The following LAMA4 variants were observed in gnomAD, a reference collection of about 807,000 sequenced individuals.
LAMA4 encodes the protein laminin subunit alpha 4.
Under a neutral mutation model 207.1 loss-of-function variants are expected in LAMA4, and 127 were observed. That is an observed-to-expected ratio of 0.61 (90% CI 0.53 to 0.71). The LOEUF is 0.71. LAMA4 is among the 30% of genes least tolerant of loss of function. The pLI is 0.00. For synonymous variants in LAMA4, 761 were observed against 816.0 expected (o/e 0.93, Z 1.15); for missense variants, 2,093 against 2,246.5 (o/e 0.93, Z 1.38).
chr6:112,229,344 T>C (rs1246784934), intron 2 of LAMA4, among the ~76,000 whole-genome samples: 1 of 152,084 alleles, frequency 6.6e-6, no homozygotes, highest in Admixed American at 6.6e-5. Flanking sequence ...ACCCTAATCC[T>C]CCTCAGCCTT....
chr6:112,155,578 T>G lies in LAMA4; in HGVS notation c.1946A>C (p.Asp649Ala), dbSNP rs782731240. Residue 649 changes from aspartate (D) to alanine (A), a missense_variant, in exon 15 of 39, where the codon GAC (aspartate) becomes GCC (alanine). Asp to Ala is a moderately radical substitution (Grantham distance 126). Around this residue, in one of 3 missense-constraint regions of LAMA4, gnomAD observed 1,704 missense variants for 1,788.4 expected, o/e 0.95. Coordinates refer to ENST00000230538, the MANE Select transcript of LAMA4 (RefSeq NM_001105206.3). ...GGGAATACTCACATCATAAATTCGG[T>G]CAGTGGTGTTCAAAGCAAATTCTGC... ...ETAEFALNTT[D>A]RIYDAVSGID... is the part of the protein sequence containing the mutation. The G allele has an allele frequency of 6.2e-7, 1 of 1,614,030 alleles. No homozygotes were observed. The highest frequency in any genetic ancestry group is 8.5e-7 in the Non-Finnish European group (1 of 1,180,012).
intron 5 of LAMA4, 35 bp downstream of exon 5, chr6:112,201,573 A>G (rs1767647359): frequency 6.5e-7 from 1 of 1,533,050 alleles, no homozygotes. Context: ...GCTTCCTTTG[A>G]CCCACACAGA....
intron 9 of LAMA4, chr6:112,179,450 G>C (rs1263282094): frequency 1.3e-5 from 2 of 152,222 alleles, no homozygotes; most frequent in African/African-American, 4.8e-5. Flanking sequence ...TCTGGCATTT[G>C]GTCGAATGCC....
chr6:112,250,362 G>A (rs1787352676), intron 2 of LAMA4, among the ~76,000 whole-genome samples: 1 of 152,144 alleles, frequency 6.6e-6, no homozygotes, highest in Non-Finnish European at 1.5e-5. Flanking sequence ...GTATCAACAA[G>A]GAAAAAAGTC....
rs4036073 is a variant in LAMA4, at chr6:112,118,721, A to ATG, written c.4821+433_4821+434dup. 0.56 allele frequency among the ~76,000 whole-genome samples: 83,132 copies of ATG among 148,242 alleles called. 23,710 individuals carry two copies. The highest frequency in any genetic ancestry group is 0.67 in the East Asian group (3,368 of 5,056). On this transcript the variant is annotated intron_variant, in intron 34 of 38. Transcript: ENST00000230538. The surrounding 1 kb of genome is among the most constrained non-coding windows in gnomAD (Gnocchi z 4.6). ...TTACAAATTGTGTGTGTGTGTGTGTATGTGTGTGTGTGTGTGTGTGTGTGT... is the reference window on the plus strand; with the variant it reads ...TTACAAATTGTGTGTGTGTGTGTGTATGTGTGTGTGTGTGTGTGTGTGTGTGT...
At position 112,150,503 on chromosome 6, in the gene LAMA4, A is replaced by C; in HGVS notation, c.2173+8T>G. ...ACAGATGAGACTTCAATTCTCTCTG[A>C]TGCTTACCTCTCTCTGCTGCTTGTA... On this transcript the variant is annotated splice_region_variant and intron_variant, in intron 17 of 38. Coordinates refer to ENST00000230538, the MANE Select transcript of LAMA4 (RefSeq NM_001105206.3). 1 of 1,553,988 alleles carries C rather than the reference A, an allele frequency of 6.4e-7. No individual in the cohort carries two copies. Among genetic ancestry groups the C allele is most frequent in the Non-Finnish European group, 8.9e-7 (1 of 1,125,102 alleles).
intron 4 of LAMA4, among the ~76,000 whole-genome samples, chr6:112,204,827 T>C (rs576391238): frequency 6.6e-6 from 1 of 152,286 alleles, no homozygotes; most frequent in East Asian, 1.9e-4. Flanking sequence ...ATTAATACTA[T>C]CATACATGAA....
chr6:112,214,778 G>T (rs1324516119), intron 3 of LAMA4, among the ~76,000 whole-genome samples: 1 of 152,164 alleles, frequency 6.6e-6, no homozygotes, highest in Non-Finnish European at 1.5e-5. Context: ...AACCTGTTAT[G>T]TCACAGGACC....
intron 32 of LAMA4, among the ~76,000 whole-genome samples, chr6:112,121,215 AAATT>A (rs1554326089): frequency 2.0e-5 from 3 of 152,350 alleles, no homozygotes; most frequent in African/African-American, 7.2e-5. Context: ...TTCCCAGTAA[AAATT>A]AATTAATGGA....
intron 4 of LAMA4, among the ~76,000 whole-genome samples, chr6:112,203,117 G>A (rs889327335): frequency 1.3e-5 from 2 of 152,294 alleles, no homozygotes; most frequent in South Asian, 2.1e-4. Flanking sequence ...TCAAGGGTTC[G>A]TTTTTGTTTC....
chr6:112,123,746 G>A (rs1194496108), intron 31 of LAMA4, among the ~76,000 whole-genome samples: 1 of 152,152 alleles, frequency 6.6e-6, no homozygotes, highest in African/African-American at 2.4e-5. Context: ...TGGTTAGGTT[G>A]GAGAGAGGTG....
At chr6:112,135,938 A>G in intron 25 of LAMA4, 185 bp downstream of exon 25, 1 of 553,008 alleles carries the variant, frequency 1.8e-6, no homozygotes, top group Non-Finnish European at 3.2e-6. Flanking sequence ...GGAAAAATAC[A>G]TCCAATGTTT....
chr6:112,136,227 T>C lies in LAMA4; in HGVS notation c.3310A>G (p.Asn1104Asp), dbSNP rs781891777. The stretch of plus-strand genomic sequence containing the variant: ...TCATAGAACACATGTAGGTAACCAT[T>C]GCGCATTTCCAGTCTGAAAAACATA... The part of the protein sequence containing the change: ...GSMFFRLEMR[N>D]GYLHVFYDFG... Residue 1104 changes from asparagine (N) to aspartate (D), a missense_variant, in exon 25 of 39, where the codon AAT becomes GAT. Around this residue, in one of 3 missense-constraint regions of LAMA4, gnomAD observed 1,704 missense variants for 1,788.4 expected, o/e 0.95. Transcript: ENST00000230538. 2 of 1,611,912 alleles carry C rather than the reference T, an allele frequency of 1.2e-6. No individual in the cohort carries two copies. Among genetic ancestry groups the C allele is most frequent in the Non-Finnish European group, 8.5e-7 (1 of 1,178,320 alleles).
At chr6:112,164,281 C>G (rs1554339267) in intron 13 of LAMA4, 1 of 152,406 alleles carries the variant, frequency 6.6e-6, no homozygotes, top group Non-Finnish European at 1.5e-5. Flanking sequence ...GTAAAAAAGG[C>G]AGGGAGGTCT....
rs782094154 is a variant in LAMA4 at position 112,139,287 on chromosome 6, T to G, written c.3115A>C (p.Lys1039Gln). The G allele has an allele frequency of 1.2e-6, 2 of 1,614,178 alleles. No individual in the cohort carries two copies. Among genetic ancestry groups the G allele is most frequent in the South Asian group, 2.2e-5 (2 of 91,086 alleles). The change falls in exon 24 of 39, where the codon AAG becomes CAG. Residue 1039 changes from lysine (K) to glutamine (Q), a missense_variant. Around this residue, in one of 3 missense-constraint regions of LAMA4, gnomAD observed 1,704 missense variants for 1,788.4 expected, o/e 0.95. Coordinates refer to ENST00000230538, the MANE Select transcript of LAMA4 (RefSeq NM_001105206.3). ...GCCCGACTCTGAGTGAAGGCCAGCT[T>G]ATCTCTGAAATGGAAACACAACGGT... ...PSTSVPCARDKLAFTQSRAAS... is the reference protein window; with the variant it reads ...PSTSVPCARDQLAFTQSRAAS...
chr6:112,165,251 T>G lies in LAMA4; in HGVS notation c.1577A>C (p.Gln526Pro). 6.2e-7 allele frequency: 1 copy of G among 1,612,972 alleles called. No homozygotes were observed. The highest frequency in any genetic ancestry group is 8.5e-7 in the Non-Finnish European group (1 of 1,178,922). ...HEKQQERVRE[Q>P]MEVVNMSLST... ...CAGAGACATGTTCACCACTTCCATT[T>G]GTTCCCTCACTCTTTCCTGTTGTTT... is the stretch of plus-strand genomic sequence containing the variant. Residue 526 changes from glutamine to proline, a missense_variant, in exon 13 of 39, where the codon CAA becomes CCA. Around this residue, in one of 3 missense-constraint regions of LAMA4, gnomAD observed 1,704 missense variants for 1,788.4 expected, o/e 0.95. Coordinates refer to ENST00000230538, the MANE Select transcript of LAMA4 (RefSeq NM_001105206.3).
At chr6:112,148,098 A>G (rs1283754917) in intron 18 of LAMA4, 59 bp downstream of exon 18, 1 of 1,483,140 alleles carries the variant, frequency 6.7e-7, no homozygotes, top group African/African-American at 1.4e-5. Flanking sequence ...CAAAAGATGT[A>G]TAGAGTTTAA....
rs1297914696 is a variant in LAMA4 at position 112,133,391 on chromosome 6, T to C, written c.3654A>G (p.Thr1218=). Reference sequence around the variant, plus strand: ...ATCCATAACCAACTCCCAGGGTTTCTGTCTGCTCCAGTAAATTGAAGTCCT... The same window carrying C: ...ATCCATAACCAACTCCCAGGGTTTCCGTCTGCTCCAGTAAATTGAAGTCCT... ...QKKDFNLLEQ[T]ETLGVGYGCP... is the part of the protein sequence containing the mutation. The change falls in exon 27 of 39, where the codon ACA becomes ACG. Residue 1218 remains threonine, a synonymous_variant. Transcript: ENST00000230538. The C allele has an allele frequency of 6.2e-7, 1 of 1,613,770 alleles. No homozygotes were observed. Among genetic ancestry groups the C allele is most frequent in the African/African-American group, 1.3e-5 (1 of 74,910 alleles).
intron 2 of LAMA4, among the ~76,000 whole-genome samples, chr6:112,229,086 G>A (rs1785398077): frequency 6.6e-6 from 1 of 152,188 alleles, no homozygotes; most frequent in Admixed American, 6.5e-5. Flanking sequence ...ATTGAAAAAT[G>A]TTAATTTACC....
Sources: gnomAD v4.1 joint callset for allele counts (sites outside exome capture counted in the v4.1 genomes callset) on GRCh38, gnomAD v4.1.1 for gene constraint, gnomAD v4.1.1 regional missense constraint, Gnocchi (gnomAD v3.1) non-coding constraint, MANE v1.5 for transcripts, NCBI Gene and HGNC (gene_info 2026-07-23, HGNC 2026-07-21) for gene names.